The following HYAL4 variants were observed in gnomAD, a reference collection of about 807,000 sequenced individuals.
HYAL4 encodes the protein hyaluronidase-4.
HYAL4 carries 37 observed loss-of-function variants against 35.2 expected under a neutral mutation model. That is an observed-to-expected ratio of 1.05 (90% CI 0.81 to 1.38). The LOEUF (loss-of-function observed/expected upper bound fraction) is 1.38. Among genes scored for constraint, HYAL4 ranks in the 40% most tolerant of loss-of-function variants. The pLI, the probability that HYAL4 is intolerant of heterozygous loss-of-function variation, is 0.00. For synonymous variants in HYAL4, 198 were observed against 203.2 expected (o/e 0.97, Z 0.22); for missense variants, 572 against 572.4 (o/e 1.00, Z 0.01).
At chr7:123,835,778 A>G (rs1805954997) in intron 1 of HYAL4, among the ~76,000 whole-genome samples, 1 of 152,090 alleles carries the variant, frequency 6.6e-6, no homozygotes, top group African/African-American at 2.4e-5. Context: ...AGGTTGTGTC[A>G]CTATTGCCAT....
the HYAL4 span, among the ~76,000 whole-genome samples, chr7:123,792,339 G>T: frequency 6.6e-6 from 1 of 152,180 alleles, no homozygotes; most frequent in African/African-American, 2.4e-5. Context: ...GGAAGTAAGA[G>T]CCTGGCTTTT....
upstream of HYAL4, chr7:123,828,839 C>G (rs1805839277): frequency 6.6e-6 from 1 of 152,462 alleles, no homozygotes; most frequent in Non-Finnish European, 1.5e-5. Context: ...ATAGCTAATC[C>G]ACACAAATGC....
intron 3 of HYAL4, among the ~76,000 whole-genome samples, chr7:123,871,343 C>T (rs552869702): frequency 2.6e-5 from 4 of 152,096 alleles, no homozygotes; most frequent in Admixed American, 2.0e-4. Flanking sequence ...CTGCATGCGC[C>T]GCCATGCCCA....
At chr7:123,834,378 T>G (rs1187928165) in intron 1 of HYAL4, among the ~76,000 whole-genome samples, 2 of 152,180 alleles carry the variant, frequency 1.3e-5, no homozygotes, top group Non-Finnish European at 2.9e-5. Flanking sequence ...TTGATTGGAT[T>G]CTCAGCTTGG....
the HYAL4 span, among the ~76,000 whole-genome samples, chr7:123,800,779 C>T: frequency 1.3e-5 from 2 of 151,926 alleles, no homozygotes; most frequent in African/African-American, 4.8e-5. Context: ...GCCTCAGCCT[C>T]CTGAGTAGCT....
At chr7:123,766,151 A>C in the HYAL4 span, among the ~76,000 whole-genome samples, 69 of 152,250 alleles carry the variant, frequency 4.5e-4, no homozygotes, top group Non-Finnish European at 1.0e-4. Context: ...GATTTCTAAC[A>C]ATGTACATTC....
intron 3 of HYAL4, among the ~76,000 whole-genome samples, chr7:123,874,181 C>T (rs766039970): frequency 3.3e-5 from 5 of 152,208 alleles, no homozygotes; most frequent in Non-Finnish European, 5.9e-5. Flanking sequence ...TAACTATTTA[C>T]AGCCTCATTG....
chr7:123,841,394 A>G (rs1476758037), upstream of HYAL4, among the ~76,000 whole-genome samples: 2 of 151,902 alleles, frequency 1.3e-5, no homozygotes, highest in Non-Finnish European at 2.9e-5. Context: ...GTTTGCCAGT[A>G]TTTTATTGAG....
intron 2 of HYAL4, among the ~76,000 whole-genome samples, chr7:123,864,219 A>G (rs1221684072): frequency 6.6e-6 from 1 of 152,154 alleles, no homozygotes; most frequent in Admixed American, 6.5e-5. Context: ...CCCTTTACCT[A>G]TGGCTTTAAT....
At chr7:123,802,439 A>T in the HYAL4 span, among the ~76,000 whole-genome samples, 11 of 151,022 alleles carry the variant, frequency 7.3e-5, no homozygotes, top group South Asian at 2.3e-3. Flanking sequence ...AGATAATTTG[A>T]CTTAAATGGA....
the HYAL4 span, among the ~76,000 whole-genome samples, chr7:123,807,432 GTTTTTTT>G: frequency 8.3e-6 from 1 of 120,802 alleles, no homozygotes; most frequent in African/African-American, 3.1e-5. Context: ...ACTTTTTATG[GTTTTTTT>G]TTTTTTTTTT....
chr7:123,768,161 C>T, the HYAL4 span, among the ~76,000 whole-genome samples: 1 of 152,128 alleles, frequency 6.6e-6, no homozygotes, highest in Admixed American at 6.6e-5. Context: ...TCATATTAGG[C>T]AGCCACTTCA....
At chr7:123,789,859 CAG>C in the HYAL4 span, among the ~76,000 whole-genome samples, 2 of 151,816 alleles carry the variant, frequency 1.3e-5, no homozygotes, top group Non-Finnish European at 2.9e-5. Context: ...ATTTGTTGGA[CAG>C]AGAGATTGAG....
intron 4 of HYAL4, 69 bp downstream of exon 4, chr7:123,874,919 C>A: frequency 1.1e-6 from 1 of 900,054 alleles, no homozygotes; most frequent in Non-Finnish European, 1.8e-6. Context: ...TCTTGGAGAG[C>A]TTAATGACCT....
chr7:123,855,601 C>A (rs1231913244), intron 2 of HYAL4, among the ~76,000 whole-genome samples: 1 of 152,074 alleles, frequency 6.6e-6, no homozygotes, highest in Non-Finnish European at 1.5e-5. Flanking sequence ...TTGTGGGTAA[C>A]CTGACCTTTC....
the HYAL4 span, among the ~76,000 whole-genome samples, chr7:123,818,884 TG>T: frequency 2.5e-4 from 38 of 152,338 alleles, no homozygotes; most frequent in Non-Finnish European, 4.6e-4. Context: ...CATTGCAGAA[TG>T]GTTAAATCTA....
chr7:123,863,916 G>A (rs139658445), intron 2 of HYAL4, among the ~76,000 whole-genome samples: 61 of 152,244 alleles, frequency 4.0e-4, no homozygotes, highest in African/African-American at 1.2e-3. Context: ...GGGGATAGGA[G>A]ATAGAGGCTT....
chr7:123,811,841 GT>G, the HYAL4 span, among the ~76,000 whole-genome samples: 1 of 151,328 alleles, frequency 6.6e-6, no homozygotes, highest in Non-Finnish European at 1.5e-5. Flanking sequence ...CTTTTTTGTT[GT>G]TGTTGTTGTT....
chr7:123,863,130 A>G (rs1806612897), intron 2 of HYAL4, among the ~76,000 whole-genome samples: 2 of 152,124 alleles, frequency 1.3e-5, no homozygotes, highest in South Asian at 4.1e-4. Context: ...CTTTGTTATC[A>G]TAATTTGCAA....
Sources: allele counts gnomAD v4.1 joint callset (sites outside exome capture counted in the v4.1 genomes callset), GRCh38; gene constraint gnomAD v4.1.1; transcripts MANE v1.5; gene names NCBI Gene and HGNC (gene_info 2026-07-23, HGNC 2026-07-21).